The following PTPRN2 variants were observed in gnomAD, a reference collection of about 807,000 sequenced individuals.
The protein encoded by PTPRN2 is protein tyrosine phosphatase receptor type N2, also known as receptor-type tyrosine-protein phosphatase N2.
A neutral mutation model predicts 118.8 loss-of-function variants in PTPRN2; 74 were observed. The ratio of observed to expected loss-of-function variants is 0.62; its 90% confidence interval spans 0.52 to 0.76. The LOEUF (loss-of-function observed/expected upper bound fraction) is 0.76. PTPRN2 is among the 30% of genes least tolerant of loss of function. The probability of loss-of-function intolerance (pLI) is 0.00; values close to 1 mark genes in which losing one functional copy is unlikely to be tolerated. For synonymous variants in PTPRN2, 641 were observed against 608.0 expected, an observed-to-expected ratio of 1.05 and a Z score of -0.80; for missense variants, 1,481 against 1,394.4, an observed-to-expected ratio of 1.06 and a Z score of -0.99.
At chr7:157,720,791 T>C in intron 12 of PTPRN2, among the ~76,000 whole-genome samples, 1 of 152,206 alleles carries the variant, frequency 6.6e-6, no homozygotes, top group East Asian at 1.9e-4. Context: ...CCCATTCCTG[T>C]GGCAAAGCCG....
chr7:158,222,902 T>C (rs1828477368), intron 3 of PTPRN2, among the ~76,000 whole-genome samples: 1 of 152,030 alleles, frequency 6.6e-6, no homozygotes. Flanking sequence ...AGCTGGTTCC[T>C]TGAAAAAAAT....
intron 1 of PTPRN2, among the ~76,000 whole-genome samples, chr7:158,511,737 G>A (rs1720417117): frequency 6.6e-6 from 1 of 152,220 alleles, no homozygotes; most frequent in African/African-American, 2.4e-5. Context: ...CATGCTCACA[G>A]CTCCTTGGGT....
intron 14 of PTPRN2, among the ~76,000 whole-genome samples, chr7:157,654,469 A>G (rs963849781): frequency 3.3e-5 from 5 of 152,316 alleles, no homozygotes; most frequent in African/African-American, 1.2e-4. Context: ...ATCTGTACGC[A>G]CAGAGTCTAA....
At chr7:157,573,375 A>G (rs142721639) in intron 19 of PTPRN2, among the ~76,000 whole-genome samples, 165 of 152,376 alleles carry the variant, frequency 1.1e-3, no homozygotes, top group Non-Finnish European at 1.9e-3. Flanking sequence ...AATCTTGCAA[A>G]TGGGAATGAC....
intron 6 of PTPRN2, among the ~76,000 whole-genome samples, chr7:158,142,640 AC>A (rs1819497460): frequency 6.6e-6 from 1 of 152,040 alleles, no homozygotes; most frequent in Admixed American, 6.6e-5. Context: ...GGGCCCACCA[AC>A]CCCCACACAT....
intron 2 of PTPRN2, among the ~76,000 whole-genome samples, chr7:158,396,446 C>T (rs1812509578): frequency 6.7e-6 from 1 of 148,372 alleles, no homozygotes; most frequent in Non-Finnish European, 1.5e-5. Flanking sequence ...GAATGTGTCA[C>T]GTGTGTGCAC....
chr7:157,684,658 G>C (rs1797085045), intron 12 of PTPRN2, among the ~76,000 whole-genome samples: 2 of 143,168 alleles, frequency 1.4e-5, no homozygotes, highest in South Asian at 4.7e-4. Flanking sequence ...CTCTAGAGCC[G>C]CGCGACCCAG....
chr7:158,149,109 T>A (rs13231550), intron 6 of PTPRN2, among the ~76,000 whole-genome samples: 357 of 7,182 alleles, frequency 0.05, no homozygotes, highest in South Asian at 0.12. Flanking sequence ...GCCACACGTC[T>A]TTCCCCCTCA....
intron 6 of PTPRN2, among the ~76,000 whole-genome samples, chr7:158,153,903 C>T (rs1220549405): frequency 1.4e-5 from 2 of 140,912 alleles, no homozygotes; most frequent in African/African-American, 5.2e-5. Context: ...TGTGCTCGCT[C>T]GGAAGGCAGG....
In PTPRN2 at chr7:158,491,638, C is replaced by T. The variant is rs188423364; in HGVS notation, c.113-1853G>A. 2.2e-3 allele frequency among the ~76,000 whole-genome samples: 330 copies of T among 152,104 alleles called. 2 individuals carry two copies. The highest frequency in any genetic ancestry group is 0.015 in the South Asian group (70 of 4,810). On this transcript the variant is annotated intron_variant, in intron 1 of 22. Coordinates refer to ENST00000389418, the MANE Select transcript of PTPRN2 (RefSeq NM_002847.5). Reference sequence around the variant, plus strand: ...CCAAGTGGCTGGGACTACAGGCGTGCGCCAGCATACCCAACTAATTTTTGT... The same window carrying T: ...CCAAGTGGCTGGGACTACAGGCGTGTGCCAGCATACCCAACTAATTTTTGT...
intron 2 of PTPRN2, among the ~76,000 whole-genome samples, chr7:158,484,407 G>A (rs767693814): frequency 3.9e-5 from 6 of 152,304 alleles, no homozygotes; most frequent in African/African-American, 7.2e-5. Flanking sequence ...CTGTTGCTCA[G>A]ACTGGAGTGC....
At chr7:158,456,707 G>A (rs1258709152) in intron 2 of PTPRN2, among the ~76,000 whole-genome samples, 2 of 152,272 alleles carry the variant, frequency 1.3e-5, no homozygotes, top group Non-Finnish European at 2.9e-5. Flanking sequence ...AGGGTTGAGG[G>A]TGGAGTCAGT....
intron 12 of PTPRN2, among the ~76,000 whole-genome samples, chr7:157,792,747 G>A (rs371903002): frequency 5.3e-5 from 8 of 152,312 alleles, no homozygotes; most frequent in African/African-American, 1.2e-4. Flanking sequence ...TGGGCCACCC[G>A]GAGGCTGCCC....
At chr7:157,994,414 G>T (rs563356900) in intron 11 of PTPRN2, among the ~76,000 whole-genome samples, 4 of 152,350 alleles carry the variant, frequency 2.6e-5, no homozygotes, top group South Asian at 2.1e-4. Context: ...GGAGCGAGAG[G>T]AAGATGCCTG....
At chr7:158,425,343 C>T (rs1429995965) in intron 2 of PTPRN2, among the ~76,000 whole-genome samples, 3 of 118,824 alleles carry the variant, frequency 2.5e-5, no homozygotes, top group Non-Finnish European at 5.1e-5. Flanking sequence ...CTGAGGCCTG[C>T]GCACCGCCGG....
chr7:158,578,175 T>G (rs143171372), intron 1 of PTPRN2, among the ~76,000 whole-genome samples: 12 of 152,208 alleles, frequency 7.9e-5, no homozygotes, highest in Non-Finnish European at 1.3e-4. Flanking sequence ...TAAAACATTT[T>G]AAAAGAAAGT....
intron 9 of PTPRN2, among the ~76,000 whole-genome samples, chr7:158,118,556 C>A (rs188265690): frequency 6.6e-6 from 1 of 152,126 alleles, no homozygotes; most frequent in Non-Finnish European, 1.5e-5. Flanking sequence ...TCATTAATTA[C>A]TTTAAATGTA....
At chr7:158,268,832 G>A (rs1379271502) in intron 3 of PTPRN2, among the ~76,000 whole-genome samples, 1 of 142,910 alleles carries the variant, frequency 7.0e-6, no homozygotes, top group Non-Finnish European at 1.5e-5. Context: ...ACACAGGGTG[G>A]GTGTGAAATA....
chr7:157,881,012 A>C lies in PTPRN2; in HGVS notation c.1788+17661T>G, dbSNP rs1482046463. Among the ~76,000 whole-genome samples, 1 of 152,210 alleles carries C rather than the reference A, an allele frequency of 6.6e-6. No homozygotes were observed. Among genetic ancestry groups the C allele is most frequent in the African/African-American group, 2.4e-5 (1 of 41,446 alleles). On this transcript the variant is annotated intron_variant, in intron 12 of 22. Transcript: ENST00000389418. This position sits in a 1 kb window ranked among gnomAD's most constrained non-coding sequence, Gnocchi z 4.7. The stretch of plus-strand genomic sequence containing the variant: ...GCCTATGGGAAGCTCTAATCCCAGA[A>C]CTTCCGAATGTGACTGTATGTGGAG...
Sources: gnomAD v4.1 joint callset for allele counts (sites outside exome capture counted in the v4.1 genomes callset) on GRCh38, gnomAD v4.1.1 for gene constraint, Gnocchi (gnomAD v3.1) non-coding constraint, MANE v1.5 for transcripts, NCBI Gene and HGNC (gene_info 2026-07-23, HGNC 2026-07-21) for gene names.